The following HS6ST3 variants were observed in gnomAD, a reference collection of about 807,000 sequenced individuals.
The protein encoded by HS6ST3 is heparan sulfate 6-O-sulfotransferase 3, also known as heparan-sulfate 6-O-sulfotransferase 3.
HS6ST3 carries 12 observed loss-of-function variants against 36.7 expected under a neutral mutation model. That is an observed-to-expected ratio of 0.33 (90% CI 0.21 to 0.53). The LOEUF (loss-of-function observed/expected upper bound fraction) is 0.53. Among genes scored for constraint, HS6ST3 ranks in the 20% least tolerant of loss-of-function variants. The probability of loss-of-function intolerance (pLI) is 0.95; values close to 1 mark genes in which losing one functional copy is unlikely to be tolerated. For missense variants in HS6ST3, 584 were observed against 640.9 expected (o/e 0.91, Z 0.96); for synonymous variants, 240 against 257.5 (o/e 0.93, Z 0.65).
At chr13:96,816,102 T>G (rs1878417715) in intron 1 of HS6ST3, among the ~76,000 whole-genome samples, 1 of 152,100 alleles carries the variant, frequency 6.6e-6, no homozygotes, top group Non-Finnish European at 1.5e-5. Context: ...TGATGGTGCT[T>G]GAATGACAGC....
intron 1 of HS6ST3, among the ~76,000 whole-genome samples, chr13:96,136,682 CATATATATATATATATATATATATAT>C (rs56247662): frequency 2.2e-4 from 29 of 130,528 alleles, no homozygotes; most frequent in African/African-American, 4.6e-4. Flanking sequence ...TGTTATGAAA[CATATATATATATATATATATATATAT>C]ATATATATAT....
intron 1 of HS6ST3, among the ~76,000 whole-genome samples, chr13:96,334,887 C>G (rs2055092278): frequency 6.6e-6 from 1 of 152,184 alleles, no homozygotes; most frequent in African/African-American, 2.4e-5. Flanking sequence ...CAAGAATGGA[C>G]TAACACATAG....
intron 1 of HS6ST3, among the ~76,000 whole-genome samples, chr13:96,143,018 A>G (rs1318481522): frequency 1.3e-5 from 2 of 152,078 alleles, no homozygotes; most frequent in Non-Finnish European, 2.9e-5. Flanking sequence ...CCTTCCTCTA[A>G]TGTAAATGCT....
intron 1 of HS6ST3, among the ~76,000 whole-genome samples, chr13:96,595,662 A>C (rs2056398932): frequency 6.6e-6 from 1 of 151,814 alleles, no homozygotes; most frequent in South Asian, 2.1e-4. Flanking sequence ...TTACATTCTT[A>C]TGACTTGAAT....
At chr13:96,715,978 A>G (rs1875685086) in intron 1 of HS6ST3, among the ~76,000 whole-genome samples, 1 of 151,898 alleles carries the variant, frequency 6.6e-6, no homozygotes, top group Admixed American at 6.6e-5. Context: ...ATTCTATTCC[A>G]TAATCATCGT....
intron 1 of HS6ST3, among the ~76,000 whole-genome samples, chr13:96,699,046 T>A (rs1875209660): frequency 6.6e-6 from 1 of 152,172 alleles, no homozygotes; most frequent in South Asian, 2.1e-4. Context: ...TGGCTAGCCA[T>A]ATGTAGAAAG....
intron 1 of HS6ST3, among the ~76,000 whole-genome samples, chr13:96,600,359 C>CAT (rs1491169616): frequency 4.2e-4 from 50 of 120,302 alleles, no homozygotes; most frequent in Middle Eastern, 4.5e-3. Flanking sequence ...CACACACACA[C>CAT]ATATATATAT....
chr13:96,642,782 G>A (rs570205088), intron 1 of HS6ST3, among the ~76,000 whole-genome samples: 2 of 151,776 alleles, frequency 1.3e-5, no homozygotes, highest in East Asian at 2.0e-4. Flanking sequence ...TCTCTATTTG[G>A]TGAGGCATCA....
chr13:96,547,708 C>T (rs933200272), intron 1 of HS6ST3, among the ~76,000 whole-genome samples: 21 of 152,004 alleles, frequency 1.4e-4, no homozygotes, highest in African/African-American at 5.1e-4. Flanking sequence ...GCCTCATCTT[C>T]GTTTGTGGCA....
chr13:96,119,370 G>C (rs959663918), intron 1 of HS6ST3, among the ~76,000 whole-genome samples: 1 of 152,054 alleles, frequency 6.6e-6, no homozygotes, highest in African/African-American at 2.4e-5. Flanking sequence ...TGCTTTCTAA[G>C]TACACTGATG....
chr13:96,345,450 T>C (rs761568338), intron 1 of HS6ST3, among the ~76,000 whole-genome samples: 2 of 152,190 alleles, frequency 1.3e-5, no homozygotes, highest in Admixed American at 6.5e-5. Flanking sequence ...GAAGATGTTA[T>C]GTTGCTAATG....
chr13:96,551,331 GT>G lies in HS6ST3; in HGVS notation c.708-281152del, dbSNP rs2056218728. On this transcript the variant is annotated intron_variant, in intron 1 of 1. Transcript: ENST00000376705. ...CTTCTATAGTTAATGAACAGGCAGA[GT>G]TTTTTTCTTCTTTCTGAGCATTGAG... Among the ~76,000 whole-genome samples, 3 of 152,244 alleles carry G rather than the reference GT, an allele frequency of 2.0e-5. No homozygotes were observed. The South Asian group carries it at 6.2e-4, about 32-fold the overall frequency.
At chr13:96,786,815 C>A (rs1877664521) in intron 1 of HS6ST3, among the ~76,000 whole-genome samples, 1 of 152,054 alleles carries the variant, frequency 6.6e-6, no homozygotes, top group African/African-American at 2.4e-5. Flanking sequence ...CTTGCAGCAA[C>A]CTCCACCACT....
intron 1 of HS6ST3, among the ~76,000 whole-genome samples, chr13:96,745,084 C>A (rs1594850423): frequency 6.6e-6 from 1 of 152,046 alleles, no homozygotes; most frequent in Admixed American, 6.6e-5. Flanking sequence ...TGATTCATAT[C>A]CAAGAAGATA....
chr13:96,616,876 G>A (rs2056475990), intron 1 of HS6ST3, among the ~76,000 whole-genome samples: 3 of 151,786 alleles, frequency 2.0e-5, no homozygotes, highest in Non-Finnish European at 1.5e-5. Context: ...ATAAACGAAG[G>A]GCCTCATAGG....
chr13:96,502,359 C>CTT lies in HS6ST3; in HGVS notation c.708-330117_708-330116dup, dbSNP rs11410300. 3.1e-3 allele frequency among the ~76,000 whole-genome samples: 429 copies of CTT among 138,992 alleles called. 1 individual carries two copies. The highest frequency in any genetic ancestry group is 5.9e-3 in the African/African-American group (221 of 37,462). 91.2% of individuals were successfully genotyped at this position (138,992 alleles called of 152,430 possible). ...CTGTGTCTATAAGTCTCTTCACGGG[C>CTT]TTTTTTTTTTTTTTTCATCTGGCAG... On this transcript the variant is annotated intron_variant, in intron 1 of 1. Transcript: ENST00000376705.
chr13:96,286,083 T>C (rs1192516912), intron 1 of HS6ST3, among the ~76,000 whole-genome samples: 1 of 151,702 alleles, frequency 6.6e-6, no homozygotes, highest in East Asian at 1.9e-4. Flanking sequence ...CCTCTCTCTT[T>C]CTCAGTTCTG....
chr13:96,237,641 T>C (rs1800804776), intron 1 of HS6ST3, among the ~76,000 whole-genome samples: 1 of 152,230 alleles, frequency 6.6e-6, no homozygotes, highest in African/African-American at 2.4e-5. Flanking sequence ...CTACGTGTGC[T>C]GTCTCTAATG....
At chr13:96,829,895 G>T (rs2138548381) in intron 1 of HS6ST3, among the ~76,000 whole-genome samples, 1 of 152,144 alleles carries the variant, frequency 6.6e-6, no homozygotes, top group South Asian at 2.1e-4. Context: ...TGATAGTTCT[G>T]TCTTTAGGTC....
Sources: allele counts gnomAD v4.1 joint callset (sites outside exome capture counted in the v4.1 genomes callset), GRCh38; gene constraint gnomAD v4.1.1; transcripts MANE v1.5; gene names NCBI Gene and HGNC (gene_info 2026-07-23, HGNC 2026-07-21).